The following CALN1 variants were observed in gnomAD, a reference collection of about 807,000 sequenced individuals.
CALN1 encodes calcium-binding protein 8.
Under a neutral mutation model 30.6 loss-of-function variants are expected in CALN1, and 17 were observed. The observed-to-expected ratio is 0.56, with a 90% CI of 0.38 to 0.83. The LOEUF (loss-of-function observed/expected upper bound fraction) is 0.83, where lower values mean the gene tolerates loss of function less well. CALN1 is among the 40% of genes least tolerant of loss of function. The pLI, the probability that CALN1 is intolerant of heterozygous loss-of-function variation, is 0.00. For missense variants in CALN1, 291 were observed against 354.9 expected (o/e 0.82, Z 1.45); for synonymous variants, 156 against 131.4 (o/e 1.19, Z -1.28).
intron 5 of CALN1, among the ~76,000 whole-genome samples, chr7:71,857,452 C>G (rs553605598): frequency 1.3e-5 from 2 of 152,282 alleles, no homozygotes; most frequent in East Asian, 3.9e-4. Context: ...TGTCAGGGCT[C>G]TCACCCATTC....
chr7:72,396,235 TAAA>T lies in CALN1; in HGVS notation c.119+7013_119+7015del, dbSNP rs55683543. Among the ~76,000 whole-genome samples, 19 of 53,326 alleles carry T rather than the reference TAAA, an allele frequency of 3.6e-4. No homozygotes were observed. In the East Asian group the frequency reaches 9.9e-3, roughly 28 times the overall value. 35.0% of individuals were successfully genotyped at this position (53,326 alleles called of 152,430 possible). On this transcript the variant is annotated intron_variant, in intron 2 of 6. Transcript: ENST00000395275. ...AGCATGGTGAAACTCTTGTCTCTAC[TAAA>T]AAAAAAAAAAAAAAAAAAAGAAAGA...
At chr7:72,297,127 T>C (rs1330980181) in intron 2 of CALN1, among the ~76,000 whole-genome samples, 1 of 152,190 alleles carries the variant, frequency 6.6e-6, no homozygotes, top group Non-Finnish European at 1.5e-5. Context: ...GTATGTTGTG[T>C]CTTTGTTCCC....
chr7:72,220,045 T>A (rs1016232205), intron 3 of CALN1, among the ~76,000 whole-genome samples: 1 of 152,038 alleles, frequency 6.6e-6, no homozygotes, highest in African/African-American at 2.4e-5. Context: ...TTTTTTTTGT[T>A]TTATTATTAT....
chr7:71,929,779 T>G (rs1368330108), intron 5 of CALN1, among the ~76,000 whole-genome samples: 1 of 152,210 alleles, frequency 6.6e-6, no homozygotes, highest in Non-Finnish European at 1.5e-5. Flanking sequence ...ATGGAGTATA[T>G]GGTAATTGTT....
At chr7:72,062,017 A>T (rs1803689651) in intron 4 of CALN1, among the ~76,000 whole-genome samples, 3 of 152,184 alleles carry the variant, frequency 2.0e-5, no homozygotes, top group Admixed American at 1.3e-4. Context: ...ATCATAAAAC[A>T]CTGAGACCAG....
At chr7:72,270,415 TAAAG>T (rs931025601) in intron 3 of CALN1, among the ~76,000 whole-genome samples, 23 of 152,286 alleles carry the variant, frequency 1.5e-4, no homozygotes, top group African/African-American at 5.5e-4. Flanking sequence ...TTTTTAAGAC[TAAAG>T]AAATATTTTT....
chr7:72,480,765 A>G, the CALN1 span, among the ~76,000 whole-genome samples: 3 of 152,222 alleles, frequency 2.0e-5, no homozygotes, highest in Admixed American at 6.5e-5. Flanking sequence ...GATAGCTTAC[A>G]TCTTCCAAAG....
intron 5 of CALN1, among the ~76,000 whole-genome samples, chr7:71,837,326 T>C (rs955591862): frequency 2.1e-5 from 3 of 145,350 alleles, no homozygotes; most frequent in South Asian, 2.3e-4. Flanking sequence ...CATAATTTAA[T>C]AGATGTCTAG....
chr7:72,021,256 C>T (rs551912002), intron 5 of CALN1, among the ~76,000 whole-genome samples: 10 of 151,968 alleles, frequency 6.6e-5, no homozygotes, highest in South Asian at 2.1e-4. Flanking sequence ...GCCTAGGTGA[C>T]GGAATGAAAC....
intron 3 of CALN1, among the ~76,000 whole-genome samples, chr7:72,115,585 T>A (rs7812135): frequency 0.011 from 1,550 of 143,408 alleles, 33 homozygotes; most frequent in African/African-American, 0.038. Context: ...ATCTCCTGGG[T>A]CCAAGCAATT....
intron 4 of CALN1, among the ~76,000 whole-genome samples, chr7:72,100,140 T>C (rs752223446): frequency 7.7e-6 from 1 of 129,886 alleles, no homozygotes; most frequent in Non-Finnish European, 1.6e-5. Flanking sequence ...TTAAATCTTT[T>C]TTTTAATTTT....
chr7:72,064,451 TTGTCA>T (rs1370571477), intron 4 of CALN1, among the ~76,000 whole-genome samples: 8 of 152,296 alleles, frequency 5.3e-5, no homozygotes, highest in Admixed American at 2.6e-4. Flanking sequence ...CAGGTGCTCT[TTGTCA>T]GCCAGATGGA....
intron 2 of CALN1, among the ~76,000 whole-genome samples, chr7:72,390,322 T>G (rs541059202): frequency 6.6e-5 from 10 of 151,980 alleles, no homozygotes; most frequent in Non-Finnish European, 8.8e-5. Flanking sequence ...TCTCAGCTAC[T>G]CAGGAGGGTG....
At chr7:72,209,693 C>A (rs1382524628) in intron 3 of CALN1, among the ~76,000 whole-genome samples, 1 of 152,140 alleles carries the variant, frequency 6.6e-6, no homozygotes, top group Non-Finnish European at 1.5e-5. Context: ...TACACTTTGG[C>A]TATCGGGCTC....
chr7:72,068,622 G>A (rs895636608), intron 4 of CALN1, among the ~76,000 whole-genome samples: 1 of 152,138 alleles, frequency 6.6e-6, no homozygotes, highest in African/African-American at 2.4e-5. Flanking sequence ...CAAGTAGCTA[G>A]GATAACAGAC....
At chr7:72,314,102 C>G (rs949417360) in intron 2 of CALN1, among the ~76,000 whole-genome samples, 1 of 152,116 alleles carries the variant, frequency 6.6e-6, no homozygotes, top group Non-Finnish European at 1.5e-5. Flanking sequence ...AGGCCCAGCA[C>G]AGGGCTGGAG....
At position 72,106,110 on chromosome 7, in the gene CALN1, G is replaced by A. The variant is rs190723630; in HGVS notation, c.388+41C>T. On this transcript the variant is annotated intron_variant, in intron 4 of 6. Coordinates refer to ENST00000395275, the MANE Select transcript of CALN1 (RefSeq NM_031468.4). ...AACCGAAGGTCTCACTGATGAGACCGGGGCATGTCTCAGGGGAGAAGCTGC... is the reference window on the plus strand; with the variant it reads ...AACCGAAGGTCTCACTGATGAGACCAGGGCATGTCTCAGGGGAGAAGCTGC... The A allele has an allele frequency of 5.3e-5, 85 of 1,602,678 alleles. No individual in the cohort carries two copies. The East Asian group carries it at 1.2e-3, about 22-fold the overall frequency.
At chr7:71,994,731 T>G (rs1440072966) in intron 5 of CALN1, among the ~76,000 whole-genome samples, 1 of 152,042 alleles carries the variant, frequency 6.6e-6, no homozygotes, top group East Asian at 1.9e-4. Context: ...TGTGCTGAAA[T>G]GCAGAAGGTT....
At chr7:72,377,623 C>T (rs2129560646) in intron 2 of CALN1, among the ~76,000 whole-genome samples, 1 of 152,228 alleles carries the variant, frequency 6.6e-6, no homozygotes. Flanking sequence ...CTTCTCTGAA[C>T]TAATTTTGTA....
Sources: gnomAD v4.1 joint callset for allele counts (sites outside exome capture counted in the v4.1 genomes callset) on GRCh38, gnomAD v4.1.1 for gene constraint, MANE v1.5 for transcripts, NCBI Gene and HGNC (gene_info 2026-07-23, HGNC 2026-07-21) for gene names.